KLF17: variants seen among roughly 807,000 people sequenced by gnomAD.
KLF17 encodes Krueppel-like factor 17.
In KLF17, 31 loss-of-function variants were observed where a neutral mutation model predicts 34.2. That is an observed-to-expected ratio of 0.91 (90% confidence interval 0.68 to 1.22). The LOEUF is 1.22. Ranked by LOEUF, KLF17 falls within the 50% of genes most tolerant of loss-of-function variation. The pLI, the probability that KLF17 is intolerant of heterozygous loss-of-function variation, is 0.00. For synonymous variants in KLF17, 179 were observed against 186.7 expected (o/e 0.96, Z 0.34); for missense variants, 478 against 505.2 (o/e 0.95, Z 0.52).
chr1:44,100,837 AC>A, the KLF17 span, among the ~76,000 whole-genome samples: 477 of 152,252 alleles, frequency 3.1e-3, 2 homozygotes, highest in African/African-American at 0.011. Flanking sequence ...ATGACTTTAG[AC>A]AAAAGTATAA....
the KLF17 span, among the ~76,000 whole-genome samples, chr1:44,054,962 G>A: frequency 8.3e-5 from 12 of 145,434 alleles, no homozygotes; most frequent in Non-Finnish European, 1.4e-4. Context: ...TGTATTTTTA[G>A]TAGAGACAGG....
the KLF17 span, among the ~76,000 whole-genome samples, chr1:44,109,922 G>T: frequency 4.5e-4 from 58 of 127,890 alleles, no homozygotes; most frequent in Non-Finnish European, 3.9e-4. Flanking sequence ...TTTTTTTTGC[G>T]GGGGGGACAG....
chr1:44,063,130 G>T, the KLF17 span, among the ~76,000 whole-genome samples: 1 of 152,110 alleles, frequency 6.6e-6, no homozygotes, highest in African/African-American at 2.4e-5. Context: ...AAAAAAAGAG[G>T]TCAGATACAA....
chr1:44,128,782 G>A (rs2088059671), intron 1 of KLF17, among the ~76,000 whole-genome samples: 1 of 152,168 alleles, frequency 6.6e-6, no homozygotes, highest in African/African-American at 2.4e-5. Flanking sequence ...GGAGGCCAAG[G>A]TGGGCAGATC....
chr1:44,069,043 A>G, the KLF17 span, among the ~76,000 whole-genome samples: 6 of 151,880 alleles, frequency 4.0e-5, no homozygotes, highest in African/African-American at 1.4e-4. The surrounding 1 kb of genome is among the most constrained non-coding windows in gnomAD (Gnocchi z 4.7). Context: ...CCCTCCCCTC[A>G]CAGAAATGTG....
chr1:44,073,607 G>A, the KLF17 span, among the ~76,000 whole-genome samples: 1 of 152,232 alleles, frequency 6.6e-6, no homozygotes, highest in South Asian at 2.1e-4. Flanking sequence ...GGCAAGAGAA[G>A]AGAAATATTT....
intron 1 of KLF17, among the ~76,000 whole-genome samples, chr1:44,127,654 C>CTT (rs1491193905): frequency 2.7e-4 from 13 of 48,490 alleles, no homozygotes; most frequent in Admixed American, 4.4e-4. Context: ...TTCTTTCTTT[C>CTT]TTTCTTTCTT....
At chr1:44,127,063 G>GT (rs71587040) in intron 1 of KLF17, among the ~76,000 whole-genome samples, 5,757 of 126,874 alleles carry the variant, frequency 0.045, 409 homozygotes, top group African/African-American at 0.15. Flanking sequence ...TGCCTGGCTT[G>GT]TTTTTTTTTT....
chr1:44,080,239 T>TTA, the KLF17 span, among the ~76,000 whole-genome samples: 22 of 142,566 alleles, frequency 1.5e-4, no homozygotes, highest in African/African-American at 5.7e-4. Flanking sequence ...TCTGTGTCTT[T>TTA]TTTTTTTTTT....
At chr1:44,082,799 A>G in the KLF17 span, among the ~76,000 whole-genome samples, 2 of 152,140 alleles carry the variant, frequency 1.3e-5, no homozygotes, top group African/African-American at 4.8e-5. Context: ...TACCTTAGAA[A>G]CGCGACCCCA....
chr1:44,086,998 G>A, the KLF17 span, among the ~76,000 whole-genome samples: 79 of 152,330 alleles, frequency 5.2e-4, no homozygotes, highest in African/African-American at 1.9e-3. Context: ...AGTCAACACA[G>A]TTGCTTTTCT....
At chr1:44,066,615 G>A in the KLF17 span, among the ~76,000 whole-genome samples, 1 of 152,046 alleles carries the variant, frequency 6.6e-6, no homozygotes, top group East Asian at 1.9e-4. Flanking sequence ...AAAACAATTT[G>A]TCATTATCTT....
At chr1:44,097,698 C>A in the KLF17 span, among the ~76,000 whole-genome samples, 1 of 152,104 alleles carries the variant, frequency 6.6e-6, no homozygotes, top group African/African-American at 2.4e-5. Flanking sequence ...TGTTCCAGAT[C>A]TTTGAAGAAA....
At chr1:44,060,324 C>T in the KLF17 span, among the ~76,000 whole-genome samples, 5 of 152,114 alleles carry the variant, frequency 3.3e-5, no homozygotes, top group African/African-American at 7.2e-5. Flanking sequence ...AAAAATTACC[C>T]GGGCGTGGTG....
rs2088029147 is a variant in KLF17, at chr1:44,127,641, TC to T, written c.82-1711del. Among the ~76,000 whole-genome samples, 20 of 49,250 alleles carry T rather than the reference TC, an allele frequency of 4.1e-4. No homozygotes were observed. In the East Asian group the frequency reaches 9.9e-3, roughly 24 times the overall value. 32.3% of individuals were successfully genotyped at this position (49,250 alleles called of 152,430 possible). Reference sequence around the variant, plus strand: ...TTTCTTTTCTTTTCTTTTCTTTCCTTCTTTCTTTCTTTCTTTCTTTCTTTCT... The same window carrying T: ...TTTCTTTTCTTTTCTTTTCTTTCCTTTTTCTTTCTTTCTTTCTTTCTTTCT... On this transcript the variant is annotated intron_variant, in intron 1 of 3. Coordinates refer to ENST00000372299, the MANE Select transcript of KLF17 (RefSeq NM_173484.4).
At chr1:44,049,486 T>A in the KLF17 span, among the ~76,000 whole-genome samples, 2 of 152,314 alleles carry the variant, frequency 1.3e-5, no homozygotes, top group Non-Finnish European at 2.9e-5. Context: ...ATACAGTATA[T>A]ATTCTTTTCT....
At chr1:44,117,021 C>G (rs972665559), upstream of KLF17, 2 of 152,112 alleles carry the variant, frequency 1.3e-5, no homozygotes, top group African/African-American at 2.4e-5. Flanking sequence ...AATCTAGGAG[C>G]CTTTTTGATT....
chr1:44,065,495 T>C, the KLF17 span, among the ~76,000 whole-genome samples: 18,760 of 146,094 alleles, frequency 0.13, 1,387 homozygotes, highest in African/African-American at 0.21. Context: ...TTGCAACCTC[T>C]GCCTCCTAGA....
rs2088152808 is a variant in KLF17, at chr1:44,135,050, A to C, written c.*1813A>C. The C allele has an allele frequency of 6.6e-6, 1 of 152,254 alleles. No individual in the cohort carries two copies. Among genetic ancestry groups the C allele is most frequent in the South Asian group, 2.1e-4 (1 of 4,824 alleles). 9.4% of individuals were successfully genotyped at this position (152,254 alleles called of 1,614,324 possible). A position where few individuals can be genotyped will look rare whatever the true frequency, so the allele number is the denominator to read the frequency against. On this transcript the variant is annotated 3_prime_UTR_variant, in exon 4 of 4. Coordinates refer to ENST00000372299, the MANE Select transcript of KLF17 (RefSeq NM_173484.4). ...AAAAAAGGAAAAAAGAAAAATAATA[A>C]AAAATAATAAAAATCCTTAGGATAA...
Sources: allele counts gnomAD v4.1 joint callset (sites outside exome capture counted in the v4.1 genomes callset), GRCh38; gene constraint gnomAD v4.1.1; non-coding constraint Gnocchi (gnomAD v3.1); transcripts MANE v1.5; gene names NCBI Gene and HGNC (gene_info 2026-07-23, HGNC 2026-07-21).